The following CLN3 variants were observed in gnomAD, a reference collection of about 807,000 sequenced individuals.
The protein encoded by CLN3 is CLN3 lysosomal/endosomal transmembrane protein, battenin, also known as battenin.
CLN3 carries 49 observed loss-of-function variants against 60.7 expected under a neutral mutation model. The ratio of observed to expected loss-of-function variants is 0.81; its 90% CI spans 0.64 to 1.02. CLN3 has a LOEUF of 1.02. Among genes scored for constraint, CLN3 ranks in the 50% least tolerant of loss-of-function variants. The pLI is 0.00. For missense variants in CLN3, 516 were observed against 557.4 expected, an observed-to-expected ratio of 0.93 and a Z score of 0.75; for synonymous variants, 256 against 245.8, an observed-to-expected ratio of 1.04 and a Z score of -0.39.
At chr16:28,473,993 C>T (rs1159526279), downstream of CLN3, 5 of 151,776 alleles carry the variant, frequency 3.3e-5, no homozygotes, top group Admixed American at 3.3e-4. Flanking sequence ...AGAGGCTGGG[C>T]ACGGTGGCTC....
At chr16:28,484,489 C>T (rs2046170546) in intron 9 of CLN3, 8 of 264,330 alleles carry the variant, frequency 3.0e-5, no homozygotes, top group South Asian at 3.0e-4. Context: ...GCGGGGACTA[C>T]AGGCACGTGC....
At chr16:28,481,763 C>T (rs973362809) in intron 14 of CLN3, among the ~76,000 whole-genome samples, 2 of 151,700 alleles carry the variant, frequency 1.3e-5, no homozygotes, top group African/African-American at 4.8e-5. Flanking sequence ...AGGCTGAGGC[C>T]GGCAGATCAC....
downstream of CLN3, chr16:28,476,282 A>G (rs2045994540): frequency 6.6e-6 from 1 of 151,928 alleles, no homozygotes; most frequent in African/African-American, 2.4e-5. Context: ...GCAGTGGCTC[A>G]TGCTTGTAAT....
At chr16:28,478,302 C>A (rs62034284) in intron 14 of CLN3, among the ~76,000 whole-genome samples, 3 of 145,506 alleles carry the variant, frequency 2.1e-5, no homozygotes, top group Non-Finnish European at 4.5e-5. Context: ...GAGACTCCAT[C>A]CCAAAAAAAA....
intron 14 of CLN3, among the ~76,000 whole-genome samples, chr16:28,478,980 C>G (rs535114042): frequency 1.4e-4 from 22 of 152,280 alleles, no homozygotes; most frequent in African/African-American, 4.8e-4. Context: ...TCGCTGCCCC[C>G]CTGCCTCAGC....
At chr16:28,480,755 T>C (rs1032298153) in intron 14 of CLN3, among the ~76,000 whole-genome samples, 36 of 152,292 alleles carry the variant, frequency 2.4e-4, no homozygotes, top group Admixed American at 1.1e-3. Flanking sequence ...CAGTTGACAG[T>C]TTATTGTAAC....
At chr16:28,487,375 G>A (rs1352520600) in intron 7 of CLN3, 81 bp downstream of exon 7, 4 of 1,138,958 alleles carry the variant, frequency 3.5e-6, no homozygotes, top group Middle Eastern at 1.9e-4. Flanking sequence ...CTTTCCTCTG[G>A]GAGGCTGGGG....
chr16:28,472,995 TG>T (rs2045964431), downstream of CLN3, among the ~76,000 whole-genome samples: 3 of 151,850 alleles, frequency 2.0e-5, no homozygotes, highest in Admixed American at 6.6e-5. Context: ...TGGGGTGCAG[TG>T]GTATGATCAT....
At chr16:28,487,435 G>T (rs1274365949) in intron 7 of CLN3, 21 bp downstream of exon 7, 5 of 1,601,564 alleles carry the variant, frequency 3.1e-6, no homozygotes, top group Non-Finnish European at 4.3e-6. Context: ...CTCCCCATCT[G>T]ACACAGAACC....
intron 14 of CLN3, 125 bp downstream of exon 14, chr16:28,481,972 GCGAGACTC>G (rs1174420642): frequency 1.5e-6 from 1 of 647,750 alleles, no homozygotes; most frequent in African/African-American, 1.9e-5. Flanking sequence ...GGACGACAGA[GCGAGACTC>G]TGTCTCAAAA....
chr16:28,482,690 G>A lies in CLN3; in HGVS notation c.791-18C>T. 1 of 1,614,156 alleles carries A rather than the reference G, an allele frequency of 6.2e-7. No individual in the cohort carries two copies. The highest frequency in any genetic ancestry group is 8.5e-7 in the Non-Finnish European group (1 of 1,179,988). ...GCTGGAGCCTGCAGGGGAACAGAGA[G>A]AGAAGGGCAGATGAAGTTTTCACAC... On this transcript the variant is annotated intron_variant, in intron 10 of 15. Coordinates refer to ENST00000636147, the MANE Select transcript of CLN3 (RefSeq NM_001042432.2).
chr16:28,492,050 G>T lies in CLN3; in HGVS notation c.-107C>A. Reference sequence around the variant, plus strand: ...AGAGCAGCAGAATGTTCTGCACTATGCAGAGGCCGTTTGTCGGATCACGTG... The same window carrying T: ...AGAGCAGCAGAATGTTCTGCACTATTCAGAGGCCGTTTGTCGGATCACGTG... On this transcript the variant is annotated 5_prime_UTR_variant, in exon 1 of 16. Transcript: ENST00000636147. 1.9e-6 allele frequency: 1 copy of T among 525,590 alleles called. No homozygotes were observed. The highest frequency in any genetic ancestry group is 2.3e-5 in the South Asian group (1 of 43,558). The allele number at this position is 525,590 out of a possible 1,614,324, so 32.6% of individuals were successfully genotyped here.
rs1473802324 is a variant in CLN3, at chr16:28,487,651, C to G, written c.374+11G>C. On this transcript the variant is annotated intron_variant, in intron 6 of 15. Transcript: ENST00000636147. Reference sequence around the variant, plus strand: ...CCTGCCCACCCTGCCTCCCACTACCCTCACCCAGACCTGTAGGGCAGCAGG... The same window carrying G: ...CCTGCCCACCCTGCCTCCCACTACCGTCACCCAGACCTGTAGGGCAGCAGG... The G allele has an allele frequency of 6.2e-7, 1 of 1,612,274 alleles. No homozygotes were observed. Among genetic ancestry groups the G allele is most frequent in the Non-Finnish European group, 8.5e-7 (1 of 1,178,738 alleles).
At chr16:28,468,806 C>CAA in the CLN3 span, among the ~76,000 whole-genome samples, 4 of 24,392 alleles carry the variant, frequency 1.6e-4, no homozygotes, top group African/African-American at 4.0e-4. Flanking sequence ...GACTCTGTCT[C>CAA]AAAAAAAAAA....
rs181350387 is a variant in CLN3 at position 28,478,428 on chromosome 16, C to A, written c.1057-551G>T. On this transcript the variant is annotated intron_variant, in intron 14 of 15. Transcript: ENST00000636147. ...GCCAGGAGTTCGAGACCAGCCTGGG[C>A]AACATAACAAAACTCCGTCTCTACA... Among the ~76,000 whole-genome samples the A allele has an allele frequency of 1.3e-5, 2 of 151,558 alleles. 1 individual carries two copies. The highest frequency in any genetic ancestry group is 4.2e-4 in the South Asian group (2 of 4,808).
Position 28,491,793 on chromosome 16 carries a change from T to TC in CLN3, c.-35dup. 1 of 1,611,636 alleles carries TC rather than the reference T, an allele frequency of 6.2e-7. No individual in the cohort carries two copies. Among genetic ancestry groups the TC allele is most frequent in the Non-Finnish European group, 8.5e-7 (1 of 1,179,668 alleles). ...GTTCAGGTCCCCCGAGGGTCCAGGG[T>TC]CATAGAGTGTCCAAAGGGGGCTCCC... On this transcript the variant is annotated 5_prime_UTR_variant, in exon 2 of 16. It removes the in-frame stop codon of an upstream open reading frame in the 5' UTR. Transcript: ENST00000636147.
intron 14 of CLN3, among the ~76,000 whole-genome samples, chr16:28,480,898 A>G (rs1158343223): frequency 6.6e-6 from 1 of 152,236 alleles, no homozygotes; most frequent in Non-Finnish European, 1.5e-5. Flanking sequence ...TGCCAAGGGC[A>G]GTTGAATTTG....
At chr16:28,480,254 A>C (rs968882700) in intron 14 of CLN3, among the ~76,000 whole-genome samples, 14 of 150,846 alleles carry the variant, frequency 9.3e-5, no homozygotes, top group Non-Finnish European at 1.8e-4. Flanking sequence ...GGGTCTCACT[A>C]TGTTGTCCAG....
At chr16:28,468,401 C>T in the CLN3 span, among the ~76,000 whole-genome samples, 1 of 147,566 alleles carries the variant, frequency 6.8e-6, no homozygotes, top group Admixed American at 6.8e-5. Flanking sequence ...AATAATACTT[C>T]TCTCTTGGAT....
Sources: gnomAD v4.1 joint callset for allele counts (sites outside exome capture counted in the v4.1 genomes callset) on GRCh38, gnomAD v4.1.1 for gene constraint, MANE v1.5 for transcripts, NCBI Gene and HGNC (gene_info 2026-07-23, HGNC 2026-07-21) for gene names.